Variants in EEFSEC observed in about 807,000 individuals in gnomAD.
EEFSEC encodes the protein selenocysteine-specific elongation factor.
In EEFSEC, 43 loss-of-function variants were observed where a neutral mutation model predicts 42.1. That is an observed-to-expected ratio of 1.02 (90% CI 0.80 to 1.32). EEFSEC has a LOEUF of 1.32. EEFSEC is among the 40% of genes most tolerant of loss of function. EEFSEC has a pLI of 0.00. For missense variants in EEFSEC, 745 were observed against 803.6 expected, an observed-to-expected ratio of 0.93 and a Z score of 0.88; for synonymous variants, 354 against 339.1, an observed-to-expected ratio of 1.04 and a Z score of -0.48.
At chr3:128,162,810 G>A (rs2065203809) in intron 1 of EEFSEC, among the ~76,000 whole-genome samples, 1 of 152,188 alleles carries the variant, frequency 6.6e-6, no homozygotes, top group Admixed American at 6.5e-5. Flanking sequence ...CTGGCTTCTT[G>A]AGGCAAATAT....
downstream of EEFSEC, among the ~76,000 whole-genome samples, chr3:128,409,835 G>T (rs1576714727): frequency 6.6e-6 from 1 of 152,290 alleles, no homozygotes; most frequent in East Asian, 1.9e-4. Flanking sequence ...ACCCCACTGT[G>T]TGCTGTGCCC....
At chr3:128,318,948 C>T (rs1048306828) in intron 4 of EEFSEC, among the ~76,000 whole-genome samples, 7 of 152,148 alleles carry the variant, frequency 4.6e-5, no homozygotes, top group Non-Finnish European at 7.3e-5. Context: ...ACTCAGAGGC[C>T]CAGAGAGGAG....
rs1409192764 is a variant in EEFSEC, at chr3:128,295,739, AG to A, written c.786+30960del. On this transcript the variant is annotated intron_variant, in intron 4 of 6. Coordinates refer to ENST00000254730, the MANE Select transcript of EEFSEC (RefSeq NM_021937.5). ...CAGGTGACCCAGCAGTCAGCTGGGGAGGCAGACACCCCAGCATGGCCTGGAC... is the reference window on the plus strand; with the variant it reads ...CAGGTGACCCAGCAGTCAGCTGGGGAGCAGACACCCCAGCATGGCCTGGAC... 4.0e-5 allele frequency among the ~76,000 whole-genome samples: 6 copies of A among 151,438 alleles called. No individual in the cohort carries two copies. In the South Asian group the frequency reaches 1.0e-3, roughly 26 times the overall value.
intron 4 of EEFSEC, among the ~76,000 whole-genome samples, chr3:128,272,057 T>C (rs111625988): frequency 2.6e-4 from 39 of 152,272 alleles, no homozygotes; most frequent in African/African-American, 8.4e-4. Flanking sequence ...ACAGATAGGC[T>C]CAGGGCTGGA....
chr3:128,266,480 C>A (rs1007874224), intron 4 of EEFSEC, among the ~76,000 whole-genome samples: 2 of 152,050 alleles, frequency 1.3e-5, no homozygotes, highest in African/African-American at 4.8e-5. Flanking sequence ...TTCAACCCCC[C>A]AGCTCATTTT....
chr3:128,257,902 C>T (rs1211781517), intron 2 of EEFSEC, among the ~76,000 whole-genome samples: 7 of 152,102 alleles, frequency 4.6e-5, no homozygotes, highest in African/African-American at 7.2e-5. Context: ...GAGTGCAGAG[C>T]GTTGCCTCAT....
intron 4 of EEFSEC, among the ~76,000 whole-genome samples, chr3:128,305,605 T>C (rs2066817642): frequency 6.6e-6 from 1 of 152,172 alleles, no homozygotes; most frequent in Admixed American, 6.5e-5. Flanking sequence ...CCTAGAAAAT[T>C]ATCTATTAAG....
In EEFSEC at chr3:128,367,545, C is replaced by T. The variant is rs1185259075; in HGVS notation, c.1600+9172C>T. 5 of 757,470 alleles carry T rather than the reference C, an allele frequency of 6.6e-6. No individual in the cohort carries two copies. The African/African-American group carries it at 7.6e-5, about 12-fold the overall frequency. The allele number at this position is 757,470 out of a possible 1,614,324, so 46.9% of individuals were successfully genotyped here. ...TCGAACCAGCCACCTGCTGTGTGGACTCCTGTGCCTGTAAGCAAGAGCCAC... is the reference window on the plus strand; with the variant it reads ...TCGAACCAGCCACCTGCTGTGTGGATTCCTGTGCCTGTAAGCAAGAGCCAC... On this transcript the variant is annotated intron_variant, in intron 6 of 6. Transcript: ENST00000254730.
intron 1 of EEFSEC, among the ~76,000 whole-genome samples, chr3:128,226,228 G>A (rs760531549): frequency 3.3e-5 from 5 of 152,318 alleles, no homozygotes; most frequent in South Asian, 2.1e-4. Flanking sequence ...AGCCCATGCC[G>A]TAAGCCACAT....
chr3:128,379,728 C>T (rs1165593734), intron 6 of EEFSEC, among the ~76,000 whole-genome samples: 1 of 152,196 alleles, frequency 6.6e-6, no homozygotes, highest in African/African-American at 2.4e-5. Flanking sequence ...GAAGGAAGTA[C>T]AGAAACAAAA....
At chr3:128,395,385 C>T (rs977946190) in intron 6 of EEFSEC, among the ~76,000 whole-genome samples, 1 of 152,168 alleles carries the variant, frequency 6.6e-6, no homozygotes, top group Non-Finnish European at 1.5e-5. Flanking sequence ...AGGGAAATGT[C>T]ACCTTTTCCA....
intron 1 of EEFSEC, among the ~76,000 whole-genome samples, chr3:128,188,433 C>T (rs1181696342): frequency 6.6e-6 from 1 of 152,060 alleles, no homozygotes; most frequent in East Asian, 1.9e-4. Flanking sequence ...GGTCCATTTG[C>T]CTTTGTTTTA....
At chr3:128,407,842 A>G (rs1222267853) in intron 6 of EEFSEC, among the ~76,000 whole-genome samples, 1 of 152,134 alleles carries the variant, frequency 6.6e-6, no homozygotes, top group African/African-American at 2.4e-5. Flanking sequence ...CCAGGGCCTG[A>G]GCACGGGGGT....
chr3:128,341,508 T>C lies in EEFSEC; in HGVS notation c.1062T>C (p.Ala354=), dbSNP rs2067252164. 1 of 1,614,020 alleles carries C rather than the reference T, an allele frequency of 6.2e-7. No individual in the cohort carries two copies. Among genetic ancestry groups the C allele is most frequent in the East Asian group, 2.2e-5 (1 of 44,890 alleles). Residue 354 remains alanine (A), a synonymous_variant, in exon 5 of 7, where the codon GCT becomes GCC. Coordinates refer to ENST00000254730, the MANE Select transcript of EEFSEC (RefSeq NM_021937.5). ...GCCGGTTGATGTTCTTCAGTCCTGC[T>C]CCAGATAACTTTGACCAGGAGCCTA... ...VMGRLMFFSP[A]PDNFDQEPIL...
chr3:128,215,580 G>T (rs1327371051), intron 1 of EEFSEC, among the ~76,000 whole-genome samples: 1 of 152,124 alleles, frequency 6.6e-6, no homozygotes, highest in Non-Finnish European at 1.5e-5. Context: ...GAGTTGAACT[G>T]CATTGTTAAA....
the EEFSEC span, among the ~76,000 whole-genome samples, chr3:128,424,827 C>G: frequency 1.3e-5 from 2 of 152,114 alleles, no homozygotes; most frequent in East Asian, 3.9e-4. Context: ...CCTCCGGGAC[C>G]GTGTCTCCCG....
At chr3:128,215,349 G>A (rs2065799123) in intron 1 of EEFSEC, among the ~76,000 whole-genome samples, 1 of 152,118 alleles carries the variant, frequency 6.6e-6, no homozygotes, top group Non-Finnish European at 1.5e-5. Context: ...CTTGGGTTAG[G>A]ATCCTGGCTC....
chr3:128,198,921 TC>T (rs1167917640), intron 1 of EEFSEC, among the ~76,000 whole-genome samples: 1 of 151,842 alleles, frequency 6.6e-6, no homozygotes, highest in Non-Finnish European at 1.5e-5. Context: ...AACCTCCACC[TC>T]CCAGGTTCAA....
At chr3:128,350,798 T>C (rs575216886) in intron 5 of EEFSEC, among the ~76,000 whole-genome samples, 32 of 152,314 alleles carry the variant, frequency 2.1e-4, no homozygotes, top group African/African-American at 6.7e-4. Context: ...GTTTCTTCTT[T>C]AAGAGCTGGT....
Sources: allele counts gnomAD v4.1 joint callset (sites outside exome capture counted in the v4.1 genomes callset), GRCh38; gene constraint gnomAD v4.1.1; transcripts MANE v1.5; gene names NCBI Gene and HGNC (gene_info 2026-07-23, HGNC 2026-07-21).